Variants in ANO3 observed in about 807,000 individuals in gnomAD.
ANO3 encodes anoctamin 3.
Under a neutral mutation model 144.8 loss-of-function variants are expected in ANO3, and 99 were observed. That is an observed-to-expected ratio of 0.68 (90% CI 0.58 to 0.81). The LOEUF (loss-of-function observed/expected upper bound fraction) is 0.81. ANO3 is among the 30% of genes least tolerant of loss of function. ANO3 has a pLI of 0.00. For missense variants in ANO3, 905 were observed against 1,202.2 expected (o/e 0.75, Z 3.66); for synonymous variants, 414 against 392.6 (o/e 1.05, Z -0.64).
chr11:26,444,051 A>T (rs1228265390), intron 3 of ANO3, among the ~76,000 whole-genome samples: 1 of 152,200 alleles, frequency 6.6e-6, no homozygotes, highest in South Asian at 2.1e-4. Context: ...ACAGTCTCAT[A>T]ATAACAAATA....
At chr11:26,554,472 A>G (rs1184033323) in intron 13 of ANO3, among the ~76,000 whole-genome samples, 2 of 152,152 alleles carry the variant, frequency 1.3e-5, no homozygotes, top group African/African-American at 2.4e-5. Context: ...ATCATGTGAT[A>G]GGTATATGGT....
intron 15 of ANO3, 84 bp downstream of exon 15, chr11:26,598,531 G>T: frequency 1.1e-6 from 1 of 941,124 alleles, no homozygotes; most frequent in Non-Finnish European, 1.6e-6. Context: ...CCGGCTGGAA[G>T]CAGTTAACCA....
chr11:26,196,209 A>G (rs1031534816), intron 1 of ANO3, among the ~76,000 whole-genome samples: 5 of 152,188 alleles, frequency 3.3e-5, no homozygotes, highest in African/African-American at 1.2e-4. Flanking sequence ...GTTAATTGCA[A>G]AAAATACAAA....
chr11:26,634,995 T>C lies in ANO3; in HGVS notation c.1986-18T>C, dbSNP rs1852905112. The stretch of plus-strand genomic sequence containing the variant: ...GAACCCCACTTAAATGCTAATGAAC[T>C]AAAATGTCTTCTTACAGATTCGTAG... On this transcript the variant is annotated intron_variant, in intron 19 of 26. Coordinates refer to ENST00000256737, the MANE Select transcript of ANO3 (RefSeq NM_031418.4). 2.5e-6 allele frequency: 4 copies of C among 1,608,660 alleles called. No homozygotes were observed. In the East Asian group the frequency reaches 8.9e-5, roughly 36 times the overall value.
intron 3 of ANO3, among the ~76,000 whole-genome samples, chr11:26,451,615 AAGG>A (rs1858943889): frequency 6.6e-6 from 1 of 152,168 alleles, no homozygotes; most frequent in Non-Finnish European, 1.5e-5. Context: ...ACCACAGCTC[AAGG>A]AGGCCTGCCT....
chr11:26,493,061 G>A (rs118073974), intron 4 of ANO3, among the ~76,000 whole-genome samples: 7 of 152,244 alleles, frequency 4.6e-5, no homozygotes, highest in African/African-American at 1.4e-4. Context: ...TGTAAAGGAC[G>A]TCACTTTAAT....
chr11:26,296,845 G>C (rs11029499), intron 1 of ANO3, among the ~76,000 whole-genome samples: 13,098 of 152,036 alleles, frequency 0.086, 1,184 homozygotes, highest in African/African-American at 0.23. Flanking sequence ...TCCAAGCCAC[G>C]TAAATGTGAC....
At chr11:26,310,330 G>GT (rs1311251310) in intron 1 of ANO3, among the ~76,000 whole-genome samples, 1 of 152,150 alleles carries the variant, frequency 6.6e-6, no homozygotes, top group African/African-American at 2.4e-5. Context: ...CAATTGATTG[G>GT]TTATTGGTTA....
chr11:26,471,689 G>A (rs1030192759), intron 4 of ANO3, among the ~76,000 whole-genome samples: 1 of 151,874 alleles, frequency 6.6e-6, no homozygotes, highest in African/African-American at 2.4e-5. Context: ...GACATGAGAC[G>A]ATTTACCTGA....
intron 3 of ANO3, among the ~76,000 whole-genome samples, chr11:26,462,714 A>C (rs867565577): frequency 7.5e-5 from 11 of 147,642 alleles, no homozygotes; most frequent in South Asian, 6.2e-4. Flanking sequence ...TCAAAACATG[A>C]TGATTTTTTT....
At chr11:26,524,316 G>A (rs1433222327) in intron 6 of ANO3, among the ~76,000 whole-genome samples, 1 of 152,204 alleles carries the variant, frequency 6.6e-6, no homozygotes, top group Admixed American at 6.5e-5. Flanking sequence ...CATATTTGAA[G>A]TTAGTGTTGG....
intron 1 of ANO3, among the ~76,000 whole-genome samples, chr11:26,302,769 T>C (rs950869363): frequency 6.6e-6 from 1 of 152,156 alleles, no homozygotes; most frequent in Non-Finnish European, 1.5e-5. Context: ...TGTATGGACA[T>C]ATATATGTGT....
At chr11:26,536,968 T>C (rs1490762744) in intron 9 of ANO3, among the ~76,000 whole-genome samples, 1 of 152,108 alleles carries the variant, frequency 6.6e-6, no homozygotes, top group Non-Finnish European at 1.5e-5. Context: ...TGTTTGGTAT[T>C]ATACAGTTAA....
intron 3 of ANO3, among the ~76,000 whole-genome samples, chr11:26,458,954 G>A (rs760328233): frequency 2.6e-5 from 4 of 152,088 alleles, no homozygotes; most frequent in African/African-American, 4.8e-5. Flanking sequence ...AAAGCATTGC[G>A]AGCAGAGGGA....
At chr11:26,237,133 G>A (rs1016837820) in intron 1 of ANO3, among the ~76,000 whole-genome samples, 2 of 152,022 alleles carry the variant, frequency 1.3e-5, no homozygotes, top group Non-Finnish European at 2.9e-5. Flanking sequence ...TATTGTCAAT[G>A]TTCTTATCAT....
intron 1 of ANO3, among the ~76,000 whole-genome samples, chr11:26,346,399 C>T (rs1855496149): frequency 6.6e-6 from 1 of 152,202 alleles, no homozygotes; most frequent in Non-Finnish European, 1.5e-5. Flanking sequence ...ATTTCTGTTT[C>T]AGGCTATATC....
intron 1 of ANO3, among the ~76,000 whole-genome samples, chr11:26,240,367 G>A (rs1405587825): frequency 6.6e-6 from 1 of 152,104 alleles, no homozygotes; most frequent in Non-Finnish European, 1.5e-5. Context: ...TTATACCAGT[G>A]TTTCCTCTGA....
chr11:26,348,203 G>A (rs1050307412), intron 1 of ANO3, among the ~76,000 whole-genome samples: 1 of 152,034 alleles, frequency 6.6e-6, no homozygotes, highest in African/African-American at 2.4e-5. Context: ...AATATATTAT[G>A]CCTTAAATTC....
At chr11:26,519,831 T>A (rs1000687790) in intron 6 of ANO3, among the ~76,000 whole-genome samples, 1 of 152,200 alleles carries the variant, frequency 6.6e-6, no homozygotes, top group East Asian at 1.9e-4. Context: ...TTTCATAGTT[T>A]CAAAAATAGC....
Sources: gnomAD v4.1 joint callset for allele counts (sites outside exome capture counted in the v4.1 genomes callset) on GRCh38, gnomAD v4.1.1 for gene constraint, MANE v1.5 for transcripts, NCBI Gene and HGNC (gene_info 2026-07-23, HGNC 2026-07-21) for gene names.